Variants in DMD observed in about 807,000 individuals in gnomAD.
DMD encodes the protein dystrophin.
Under a neutral mutation model 330.1 loss-of-function variants are expected in DMD, and 63 were observed. The observed-to-expected ratio is 0.19, with a 90% CI of 0.16 to 0.24. DMD has a LOEUF of 0.24. DMD is among the 10% of genes least tolerant of loss of function. The pLI is 1.00. For missense variants in DMD, 3,344 were observed against 2,684.1 expected, an observed-to-expected ratio of 1.25 and a Z score of -5.43; for synonymous variants, 1,223 against 959.8, an observed-to-expected ratio of 1.27 and a Z score of -5.07.
At chrX:32,617,948 G>T (rs1468648060) in intron 11 of DMD, among the ~76,000 whole-genome samples, 3 of 111,240 alleles carry the variant, frequency 2.7e-5, no homozygotes, top group Non-Finnish European at 5.7e-5. Context: ...GGGACAAATG[G>T]ATAACACAGA....
chrX:31,508,315 C>T lies in DMD; in HGVS notation c.8218-862G>A. The T allele has an allele frequency of 1.5e-5, 17 of 1,134,901 alleles. No individual in the cohort carries two copies. The South Asian group carries it at 2.6e-4, about 17-fold the overall frequency. The allele number at this position is 1,134,901 out of a possible 1,213,427, so 93.5% of individuals were successfully genotyped here. ...AGAAAACCCAGAAACTGAAAGAGCC[C>T]TGCTTTAAAATGCCAACTTTGCTTA... On this transcript the variant is annotated intron_variant, in intron 55 of 78. Coordinates refer to ENST00000357033, the MANE Select transcript of DMD (RefSeq NM_004006.3).
intron 1 of DMD, among the ~76,000 whole-genome samples, chrX:33,282,554 C>T (rs1171520385): frequency 9.0e-6 from 1 of 111,517 alleles, no homozygotes; most frequent in African/African-American, 3.3e-5. Flanking sequence ...GTGTCTTAGG[C>T]CTGTAGGGAC....
At chrX:32,573,927 A>C in intron 13 of DMD, 81 bp from the exon 14 acceptor site, 1 of 812,382 alleles carries the variant, frequency 1.2e-6, no homozygotes, top group Non-Finnish European at 1.8e-6. Flanking sequence ...ATAATTTGCC[A>C]AAGTATCTCA....
At chrX:32,027,373 A>C (rs1485086198) in intron 44 of DMD, among the ~76,000 whole-genome samples, 1 of 111,593 alleles carries the variant, frequency 9.0e-6, no homozygotes, top group Non-Finnish European at 1.9e-5. Flanking sequence ...GGCAGAGAAA[A>C]AAAGCTTGGT....
At chrX:32,232,390 T>A (rs2097172134) in intron 43 of DMD, among the ~76,000 whole-genome samples, 1 of 111,518 alleles carries the variant, frequency 9.0e-6, no homozygotes, top group Non-Finnish European at 1.9e-5. Context: ...AGTTTGAATC[T>A]ACTGACACCA....
chrX:31,616,990 T>TA (rs1214475806), intron 55 of DMD, among the ~76,000 whole-genome samples: 3 of 111,607 alleles, frequency 2.7e-5, no homozygotes, highest in Admixed American at 9.5e-5. Flanking sequence ...AGACTTGGTA[T>TA]AAAAAATGGC....
intron 45 of DMD, among the ~76,000 whole-genome samples, chrX:31,950,603 A>G (rs1324475745): frequency 3.6e-5 from 4 of 110,951 alleles, no homozygotes; most frequent in Non-Finnish European, 5.7e-5. Context: ...TCCAATAATA[A>G]TTGTTGAATT....
intron 55 of DMD, among the ~76,000 whole-genome samples, chrX:31,608,895 GC>G (rs2085128538): frequency 8.9e-6 from 1 of 111,742 alleles, no homozygotes; most frequent in African/African-American, 3.2e-5. Flanking sequence ...GGTTGTGATT[GC>G]AGAAGGTGGA....
chrX:32,055,074 C>G (rs1488581058), intron 44 of DMD, among the ~76,000 whole-genome samples: 8 of 111,553 alleles, frequency 7.2e-5, no homozygotes, highest in African/African-American at 9.8e-5. Context: ...AACAGCCCAT[C>G]ATAGAGTAGA....
intron 2 of DMD, among the ~76,000 whole-genome samples, chrX:32,909,269 C>A (rs762507263): frequency 7.3e-5 from 8 of 109,972 alleles, no homozygotes; most frequent in Non-Finnish European, 1.3e-4. Context: ...ATAAGAATTT[C>A]TTACAAGAAA....
chrX:32,019,989 C>T (rs2095795417), intron 44 of DMD, among the ~76,000 whole-genome samples: 1 of 112,285 alleles, frequency 8.9e-6, no homozygotes, highest in Non-Finnish European at 1.9e-5. Context: ...TTCATTTTGC[C>T]TATGGATCCA....
intron 1 of DMD, among the ~76,000 whole-genome samples, chrX:33,075,795 G>A (rs2094831578): frequency 1.8e-5 from 2 of 111,396 alleles, no homozygotes; most frequent in Admixed American, 9.6e-5. Flanking sequence ...CTCATTCCTG[G>A]GGGTAAGCTG....
At chrX:31,994,419 G>T (rs1416389667) in intron 44 of DMD, among the ~76,000 whole-genome samples, 2 of 111,578 alleles carry the variant, frequency 1.8e-5, no homozygotes, top group African/African-American at 6.5e-5. Context: ...TCCCTTCCCC[G>T]CTAAATATTT....
At chrX:32,575,005 C>A (rs891154803) in intron 13 of DMD, among the ~76,000 whole-genome samples, 1 of 109,928 alleles carries the variant, frequency 9.1e-6, no homozygotes, top group African/African-American at 3.3e-5. Context: ...TCAGGGAATT[C>A]TCCTGCCTCA....
At chrX:32,444,846 A>AT (rs772583447) in intron 27 of DMD, among the ~76,000 whole-genome samples, 127 of 110,989 alleles carry the variant, frequency 1.1e-3, no homozygotes, top group Non-Finnish European at 2.1e-3. Context: ...AGGATCTAAA[A>AT]CAAAACCACT....
chrX:31,622,846 T>TTATATATATATATATATA, intron 55 of DMD, among the ~76,000 whole-genome samples: 1 of 74,202 alleles, frequency 1.3e-5, no homozygotes, highest in South Asian at 7.5e-4. Flanking sequence ...CAGAAAAATT[T>TTATATATATATATATATA]TATATATATA....
chrX:32,509,721 A>G (rs111700113), intron 18 of DMD, among the ~76,000 whole-genome samples: 2,066 of 111,799 alleles, frequency 0.018, 49 homozygotes, highest in African/African-American at 0.064. Context: ...ATTTGGCTTC[A>G]CGTACTACTT....
chrX:31,480,904 T>C (rs2068233023), intron 57 of DMD, among the ~76,000 whole-genome samples: 1 of 111,162 alleles, frequency 9.0e-6, no homozygotes, highest in South Asian at 3.8e-4. Flanking sequence ...ACTTGCGCAA[T>C]ATGGGGAAGA....
At chrX:32,688,104 G>T (rs973241715) in intron 9 of DMD, among the ~76,000 whole-genome samples, 2 of 111,587 alleles carry the variant, frequency 1.8e-5, no homozygotes, top group South Asian at 7.5e-4. Flanking sequence ...CAAATAAGCC[G>T]CCCTGACCTG....
Sources: gnomAD v4.1 joint callset for allele counts (sites outside exome capture counted in the v4.1 genomes callset) on GRCh38, gnomAD v4.1.1 for gene constraint, MANE v1.5 for transcripts, NCBI Gene and HGNC (gene_info 2026-07-23, HGNC 2026-07-21) for gene names.